The following SNX7 variants were observed in gnomAD, a reference collection of about 807,000 sequenced individuals.
SNX7 encodes the protein sorting nexin 7.
In SNX7, 35 loss-of-function variants were observed where a neutral mutation model predicts 48.4. The ratio of observed to expected loss-of-function variants is 0.72; its 90% CI spans 0.55 to 0.96. SNX7 has a LOEUF of 0.96. SNX7 is among the 40% of genes least tolerant of loss of function. The pLI is 0.00. For synonymous variants in SNX7, 190 were observed against 190.2 expected (o/e 1.00, Z 0.01); for missense variants, 553 against 548.9 (o/e 1.01, Z -0.07).
intron 5 of SNX7, among the ~76,000 whole-genome samples, chr1:98,698,438 A>G (rs1651571087): frequency 6.6e-6 from 1 of 152,138 alleles, no homozygotes; most frequent in African/African-American, 2.4e-5. Flanking sequence ...TGATGGTCAT[A>G]TAATTTATTT....
chr1:98,743,952 A>T (rs1414436801), intron 8 of SNX7, among the ~76,000 whole-genome samples: 2 of 152,068 alleles, frequency 1.3e-5, no homozygotes, highest in East Asian at 3.9e-4. Flanking sequence ...ATTTGGATGG[A>T]TGGCATTTAG....
At chr1:98,667,529 GC>G (rs917869490) in intron 1 of SNX7, among the ~76,000 whole-genome samples, 6 of 151,658 alleles carry the variant, frequency 4.0e-5, no homozygotes, top group African/African-American at 1.5e-4. Flanking sequence ...GGTGCACACT[GC>G]CACACCCAGC....
At chr1:98,739,343 C>T (rs1570595834) in intron 8 of SNX7, among the ~76,000 whole-genome samples, 1 of 152,080 alleles carries the variant, frequency 6.6e-6, no homozygotes, top group East Asian at 1.9e-4. Context: ...TTGAGGACCC[C>T]TGTAATTTAT....
intron 1 of SNX7, among the ~76,000 whole-genome samples, chr1:98,679,919 G>A (rs1650384065): frequency 6.6e-6 from 1 of 152,166 alleles, no homozygotes; most frequent in Admixed American, 6.5e-5. Flanking sequence ...ACCATTCTGG[G>A]GCCTGGAGGA....
At chr1:98,720,173 A>G (rs1652791010) in intron 7 of SNX7, among the ~76,000 whole-genome samples, 1 of 151,638 alleles carries the variant, frequency 6.6e-6, no homozygotes, top group South Asian at 2.1e-4. Flanking sequence ...GTCTACCCCC[A>G]CTCTTTGTTC....
At chr1:98,685,540 C>T (rs1049178111) in intron 2 of SNX7, among the ~76,000 whole-genome samples, 1 of 152,076 alleles carries the variant, frequency 6.6e-6, no homozygotes, top group Non-Finnish European at 1.5e-5. Flanking sequence ...AATTCAAGAG[C>T]AAAGTAGATC....
chr1:98,758,709 T>A (rs1654975929), intron 8 of SNX7, among the ~76,000 whole-genome samples: 1 of 152,084 alleles, frequency 6.6e-6, no homozygotes, highest in South Asian at 2.1e-4. Flanking sequence ...CAGTAATTTA[T>A]TGGGTAAATT....
At chr1:98,706,468 C>T (rs1652009780) in intron 7 of SNX7, among the ~76,000 whole-genome samples, 1 of 152,102 alleles carries the variant, frequency 6.6e-6, no homozygotes. Flanking sequence ...GAAATGAAGT[C>T]AGGTCTAACC....
At chr1:98,713,635 A>C (rs1172771478) in intron 7 of SNX7, among the ~76,000 whole-genome samples, 1 of 152,208 alleles carries the variant, frequency 6.6e-6, no homozygotes, top group Non-Finnish European at 1.5e-5. Flanking sequence ...ATTTAAAGTA[A>C]GAGATGCTCA....
chr1:98,698,914 A>G lies in SNX7; in HGVS notation c.1038+9A>G, dbSNP rs1557805800. 1.9e-6 allele frequency: 3 copies of G among 1,612,060 alleles called. No homozygotes were observed. Among genetic ancestry groups the G allele is most frequent in the Non-Finnish European group, 2.5e-6 (3 of 1,178,494 alleles). ...ATAGTGAAATGTTAATGGTAAGAAC[A>G]CCTAATTCTAATTTTACCTCAGTCC... On this transcript the variant is annotated intron_variant, in intron 6 of 8. Coordinates refer to ENST00000306121, the MANE Select transcript of SNX7 (RefSeq NM_015976.5).
intron 7 of SNX7, among the ~76,000 whole-genome samples, chr1:98,711,376 C>T (rs1030263420): frequency 1.3e-5 from 2 of 152,112 alleles, no homozygotes; most frequent in African/African-American, 4.8e-5. Context: ...TAGTTTTCCT[C>T]TAGCACATTT....
chr1:98,746,258 G>A (rs942637399), intron 8 of SNX7, among the ~76,000 whole-genome samples: 2 of 152,004 alleles, frequency 1.3e-5, no homozygotes, highest in Non-Finnish European at 2.9e-5. Flanking sequence ...AAATATCAGA[G>A]GAAGTCCCTG....
chr1:98,715,933 G>A (rs1055260503), intron 7 of SNX7, among the ~76,000 whole-genome samples: 4 of 151,674 alleles, frequency 2.6e-5, no homozygotes, highest in African/African-American at 7.3e-5. Flanking sequence ...ACACACACAC[G>A]TTTTTATATC....
At chr1:98,721,021 CAAAT>C (rs1050267615) in intron 7 of SNX7, among the ~76,000 whole-genome samples, 18 of 152,148 alleles carry the variant, frequency 1.2e-4, no homozygotes, top group African/African-American at 3.9e-4. Flanking sequence ...CATACTCCAT[CAAAT>C]AAATATTTTT....
intron 7 of SNX7, 51 bp downstream of exon 7, chr1:98,701,954 T>A (rs1651774381): frequency 1.5e-6 from 2 of 1,307,438 alleles, no homozygotes; most frequent in South Asian, 2.6e-5. Flanking sequence ...TTGTCTAAAA[T>A]TTTTATTAGC....
chr1:98,748,165 T>C (rs529806223), intron 8 of SNX7, among the ~76,000 whole-genome samples: 1 of 151,872 alleles, frequency 6.6e-6, no homozygotes, highest in Non-Finnish European at 1.5e-5. Context: ...TTTATATTTT[T>C]AGTGGAGACG....
chr1:98,693,650 C>T (rs1175404618), intron 4 of SNX7, among the ~76,000 whole-genome samples: 1 of 152,118 alleles, frequency 6.6e-6, no homozygotes, highest in Non-Finnish European at 1.5e-5. Context: ...GGATGTATTG[C>T]CTGGTCAAGG....
chr1:98,705,438 T>C lies in SNX7; in HGVS notation c.1125+3535T>C, dbSNP rs1421231722. 2.6e-5 allele frequency among the ~76,000 whole-genome samples: 4 copies of C among 152,214 alleles called. No individual in the cohort carries two copies. In the East Asian group the frequency reaches 7.7e-4, roughly 29 times the overall value. On this transcript the variant is annotated intron_variant, in intron 7 of 8. Transcript: ENST00000306121. ...ATGTATAGGTTGAGGAAATTATTAG[T>C]ACCTTTCTAATAGGCTTGTTTAAGG... is the stretch of plus-strand genomic sequence containing the variant.
At chr1:98,739,834 A>G (rs1653981968) in intron 8 of SNX7, among the ~76,000 whole-genome samples, 1 of 152,188 alleles carries the variant, frequency 6.6e-6, no homozygotes, top group African/African-American at 2.4e-5. Context: ...TAGGCTGAAG[A>G]GTGCATTATA....
Sources: allele counts gnomAD v4.1 joint callset (sites outside exome capture counted in the v4.1 genomes callset), GRCh38; gene constraint gnomAD v4.1.1; transcripts MANE v1.5; gene names NCBI Gene and HGNC (gene_info 2026-07-23, HGNC 2026-07-21).